Variants in THBS2 observed in about 807,000 individuals in gnomAD.
The protein encoded by THBS2 is thrombospondin 2, also known as thrombospondin-2.
In THBS2, 47 loss-of-function variants were observed where a neutral mutation model predicts 135.2. That is an observed-to-expected ratio of 0.35 (90% CI 0.28 to 0.44). The LOEUF (loss-of-function observed/expected upper bound fraction) is 0.44, where lower values mean the gene tolerates loss of function less well. Among genes scored for constraint, THBS2 ranks in the 20% least tolerant of loss-of-function variants. The probability of loss-of-function intolerance (pLI) is 1.00; values close to 1 mark genes in which losing one functional copy is unlikely to be tolerated. For missense variants in THBS2, 1,288 were observed against 1,603.1 expected, an observed-to-expected ratio of 0.80 and a Z score of 3.36; for synonymous variants, 639 against 633.8, an observed-to-expected ratio of 1.01 and a Z score of -0.12.
chr6:169,244,307 G>C (rs1259737040), intron 4 of THBS2, among the ~76,000 whole-genome samples: 1 of 119,736 alleles, frequency 8.4e-6, no homozygotes, highest in Non-Finnish European at 1.6e-5. Flanking sequence ...TAGGGTGTAT[G>C]CTGGTAACAC....
intron 13 of THBS2, among the ~76,000 whole-genome samples, chr6:169,231,222 C>T (rs1466698389): frequency 6.6e-6 from 1 of 152,130 alleles, no homozygotes; most frequent in Admixed American, 6.5e-5. Flanking sequence ...CTAAATACAA[C>T]CACAGGTGTT....
rs1214565215 is a variant in THBS2, at chr6:169,216,461, A to G, written c.*1361T>C. On this transcript the variant is annotated 3_prime_UTR_variant, in exon 22 of 22. Coordinates refer to ENST00000617924, the MANE Select transcript of THBS2 (RefSeq NM_003247.5). The stretch of plus-strand genomic sequence containing the variant: ...AACAAAAACAAAAACAAACTTGTGC[A>G]TATTACACATGACTGATTATTGGGT... 6.6e-6 allele frequency: 1 copy of G among 152,236 alleles called. No homozygotes were observed. The highest frequency in any genetic ancestry group is 1.5e-5 in the Non-Finnish European group (1 of 68,042). The allele number at this position is 152,236 out of a possible 1,614,324, so 9.4% of individuals were successfully genotyped here.
At chr6:169,219,082 T>TATTG (rs1433545112) in intron 21 of THBS2, among the ~76,000 whole-genome samples, 1 of 135,660 alleles carries the variant, frequency 7.4e-6, no homozygotes, top group African/African-American at 2.8e-5. Context: ...GAGATGGATG[T>TATTG]ATTGATAGGT....
rs753968295 is a variant in THBS2 at position 169,248,533 on chromosome 6, C to A, written c.493G>T (p.Val165Leu). 1.2e-5 allele frequency: 19 copies of A among 1,613,896 alleles called. No homozygotes were observed. The South Asian group carries it at 1.8e-4, about 15-fold the overall frequency. Residue 165 changes from valine to leucine, a missense_variant, in exon 3 of 22, where the codon GTG becomes TTG. Coordinates refer to ENST00000617924, the MANE Select transcript of THBS2 (RefSeq NM_003247.5). ...QVAGETYSLHVGCDLIDSFAL... is the reference protein window; with the variant it reads ...QVAGETYSLHLGCDLIDSFAL... ...AAGCTGTCTATGAGGTCGCAGCCCA[C>A]GTGCAAGCTGTAGGTCTCGCCAGCC... is the stretch of plus-strand genomic sequence containing the variant.
At chr6:169,235,219 G>A (rs756731720) in intron 9 of THBS2, among the ~76,000 whole-genome samples, 1 of 151,810 alleles carries the variant, frequency 6.6e-6, no homozygotes, top group Admixed American at 6.6e-5. Flanking sequence ...AGAGGGTCTC[G>A]CTATGTTGCC....
At chr6:169,235,194 G>C (rs965484800) in intron 9 of THBS2, among the ~76,000 whole-genome samples, 2 of 152,052 alleles carry the variant, frequency 1.3e-5, no homozygotes, top group Non-Finnish European at 2.9e-5. Context: ...TTTAATAAAA[G>C]AATTTTTTTA....
rs77723594 is a variant in THBS2 at position 169,237,966 on chromosome 6, G to A, written c.1130-171C>T. ...ATCCCAGTGGCTGGGCCGTGGCTCC[G>A]TGGGACCCAAGTTTGTGACCTGCAC... is the stretch of plus-strand genomic sequence containing the variant. On this transcript the variant is annotated intron_variant, in intron 7 of 21. Transcript: ENST00000617924. Among the ~76,000 whole-genome samples the A allele has an allele frequency of 2.3e-3, 344 of 152,314 alleles. 2 individuals carry two copies. Among genetic ancestry groups the A allele is most frequent in the African/African-American group, 7.4e-3 (307 of 41,578 alleles).
At chr6:169,248,344 A>G (rs1780629263) in intron 3 of THBS2, 73 bp downstream of exon 3, 10 of 1,488,786 alleles carry the variant, frequency 6.7e-6, no homozygotes, top group Non-Finnish European at 8.2e-6. Flanking sequence ...TCGCATCACC[A>G]GACGCATTAG....
chr6:169,232,034 G>A lies in THBS2; in HGVS notation c.2097C>T (p.Gly699=). 6.2e-7 allele frequency: 1 copy of A among 1,614,092 alleles called. No individual in the cohort carries two copies. Among genetic ancestry groups the A allele is most frequent in the Non-Finnish European group, 8.5e-7 (1 of 1,179,972 alleles). The change falls in exon 13 of 22, where the codon GGC becomes GGT. Residue 699 remains glycine (G), a synonymous_variant. Coordinates refer to ENST00000617924, the MANE Select transcript of THBS2 (RefSeq NM_003247.5). The part of the protein sequence containing the change: ...LICGEDSDLD[G]WPNLNLVCAT... ...CGCAGACCAGATTGAGGTTGGGCCA[G>A]CCGTCCAGGTCCGAGTCCTCCCCGC...
At chr6:169,229,840 C>A (rs948409248) in intron 13 of THBS2, among the ~76,000 whole-genome samples, 161 bp from the exon 14 acceptor site, 1 of 152,152 alleles carries the variant, frequency 6.6e-6, no homozygotes, top group African/African-American at 2.4e-5. Context: ...AGGCCAGAAG[C>A]GCATGAATTT....
intron 10 of THBS2, 141 bp downstream of exon 10, chr6:169,234,593 G>T: frequency 1.1e-6 from 1 of 880,852 alleles, no homozygotes; most frequent in African/African-American, 1.7e-5. Flanking sequence ...AAACACAGAT[G>T]TTAAAAGTAG....
intron 20 of THBS2, among the ~76,000 whole-genome samples, chr6:169,220,788 T>A (rs550709961): frequency 1.3e-5 from 2 of 152,076 alleles, no homozygotes; most frequent in African/African-American, 2.4e-5. Flanking sequence ...GGGGCATCAA[T>A]ATGAATAAAC....
intron 9 of THBS2, among the ~76,000 whole-genome samples, chr6:169,236,823 G>A (rs116934199): frequency 0.19 from 17,101 of 91,838 alleles, 1,184 homozygotes; most frequent in Middle Eastern, 0.29. Flanking sequence ...CTCACTCCCC[G>A]TCCACACTCA....
chr6:169,245,541 C>T (rs866789423), intron 4 of THBS2, among the ~76,000 whole-genome samples: 12 of 152,138 alleles, frequency 7.9e-5, no homozygotes, highest in Admixed American at 6.5e-5. Flanking sequence ...ACCTGTAATC[C>T]CAGCACTTTG....
chr6:169,231,316 G>T (rs1310452559), intron 13 of THBS2, among the ~76,000 whole-genome samples: 3 of 152,220 alleles, frequency 2.0e-5, no homozygotes, highest in Non-Finnish European at 4.4e-5. Context: ...TCAGGGCCAT[G>T]CAGCCACCAG....
intron 19 of THBS2, 134 bp from the exon 20 acceptor site, chr6:169,221,661 T>C (rs1363567902): frequency 2.7e-6 from 2 of 732,064 alleles, no homozygotes; most frequent in African/African-American, 3.5e-5. Flanking sequence ...CATATCTCTC[T>C]GATGTGTTTA....
At chr6:169,239,274 C>T (rs1315414097) in intron 7 of THBS2, 3 of 392,056 alleles carry the variant, frequency 7.7e-6, no homozygotes, top group Non-Finnish European at 1.4e-5. Context: ...CACAGATCTA[C>T]GTGTGTTCTC....
At chr6:169,228,064 A>C in intron 15 of THBS2, 58 bp downstream of exon 15, 138 of 1,469,522 alleles carry the variant, frequency 9.4e-5, no homozygotes, top group Non-Finnish European at 1.1e-4. Flanking sequence ...ACAATAGTGA[A>C]ACTCCATCTC....
intron 12 of THBS2, 83 bp downstream of exon 12, chr6:169,232,581 C>G (rs1372785757): frequency 6.6e-7 from 1 of 1,525,984 alleles, no homozygotes; most frequent in Non-Finnish European, 8.8e-7. Flanking sequence ...ACCCCTTCCT[C>G]TCCTTCCTCC....
Sources: allele counts gnomAD v4.1 joint callset (sites outside exome capture counted in the v4.1 genomes callset), GRCh38; gene constraint gnomAD v4.1.1; transcripts MANE v1.5; gene names NCBI Gene and HGNC (gene_info 2026-07-23, HGNC 2026-07-21).